KSR2: variants seen among roughly 807,000 people sequenced by gnomAD.
KSR2 encodes kinase suppressor of ras 2.
A neutral mutation model predicts 107.8 loss-of-function variants in KSR2; 25 were observed. The ratio of observed to expected loss-of-function variants is 0.23; its 90% CI spans 0.17 to 0.32. KSR2 has a LOEUF of 0.32. Ranked by LOEUF, KSR2 falls within the 10% of genes least tolerant of loss-of-function variation. The probability of loss-of-function intolerance (pLI) is 1.00; values close to 1 mark genes in which losing one functional copy is unlikely to be tolerated. For synonymous variants in KSR2, 480 were observed against 507.0 expected, an observed-to-expected ratio of 0.95 and a Z score of 0.71; for missense variants, 887 against 1,268.9, an observed-to-expected ratio of 0.70 and a Z score of 4.57.
chr12:117,556,302 G>C (rs1018066161), intron 8 of KSR2, among the ~76,000 whole-genome samples: 6 of 152,186 alleles, frequency 3.9e-5, no homozygotes, highest in African/African-American at 1.4e-4. Flanking sequence ...ATGGGAATCA[G>C]CCTCTAGCAA....
intron 7 of KSR2, among the ~76,000 whole-genome samples, chr12:117,575,040 C>T (rs1238902079): frequency 1.3e-5 from 2 of 152,192 alleles, no homozygotes; most frequent in Admixed American, 6.5e-5. Context: ...TCCCTCACCA[C>T]TTGAATTGAA....
In KSR2 at chr12:117,493,844, C is replaced by T. The variant is rs556899943; in HGVS notation, c.2220-8153G>A. Among the ~76,000 whole-genome samples the T allele has an allele frequency of 3.3e-5, 5 of 152,176 alleles. No homozygotes were observed. The East Asian group carries it at 5.8e-4, about 18-fold the overall frequency. ...TTCTCGTGATAGGGAATAAGTCTCA[C>T]GAGATCTAATGGGTTTATCAGGGGT... On this transcript the variant is annotated intron_variant, in intron 14 of 19. Transcript: ENST00000339824.
chr12:117,543,512 G>A (rs988795366), intron 9 of KSR2, among the ~76,000 whole-genome samples: 1 of 152,166 alleles, frequency 6.6e-6, no homozygotes, highest in African/African-American at 2.4e-5. Context: ...TAAAGCTGTT[G>A]TAGATATTCT....
At position 117,793,781 on chromosome 12, in the gene KSR2, ACAC is replaced by A. The variant is rs556334095; in HGVS notation, c.473-32260_473-32258del. On this transcript the variant is annotated intron_variant, in intron 3 of 19. Transcript: ENST00000339824. ...CAACATGCACACATGCAACATGCAC[ACAC>A]CAACATGCACACATGCAACATGCAC... Among the ~76,000 whole-genome samples the A allele has an allele frequency of 7.7e-4, 108 of 140,758 alleles. 1 individual carries two copies. Among genetic ancestry groups the A allele is most frequent in the Non-Finnish European group, 6.0e-5 (4 of 66,184 alleles). The allele number at this position is 140,758 out of a possible 152,430, so 92.3% of individuals were successfully genotyped here.
intron 1 of KSR2, chr12:117,889,605 T>C (rs1894280738): frequency 6.6e-6 from 1 of 152,226 alleles, no homozygotes; most frequent in South Asian, 2.1e-4. Context: ...AAAACATTTG[T>C]ATCTTGCTTT....
chr12:117,785,145 T>C (rs972983637), intron 3 of KSR2, among the ~76,000 whole-genome samples: 3 of 152,184 alleles, frequency 2.0e-5, no homozygotes, highest in African/African-American at 7.2e-5. Context: ...CTGGGCATGA[T>C]GGCTCACGCC....
chr12:117,674,314 C>A, intron 4 of KSR2: 1 of 507,850 alleles, frequency 2.0e-6, no homozygotes. Flanking sequence ...GCTGGAATCG[C>A]AGACTCACTT....
rs113862987 is a variant in KSR2, at chr12:117,577,922, T to C, written c.1325+1197A>G. Among the ~76,000 whole-genome samples, 565 of 152,306 alleles carry C rather than the reference T, an allele frequency of 3.7e-3. 3 individuals are homozygous for C. Among genetic ancestry groups the C allele is most frequent in the African/African-American group, 0.012 (503 of 41,556 alleles). ...CTAGGGACAGAAATGTGAAGTGACT[T>C]GCCCAAGGTCAGGCAGCTGCCAAGT... On this transcript the variant is annotated intron_variant, in intron 7 of 19. Coordinates refer to ENST00000339824, the MANE Select transcript of KSR2 (RefSeq NM_173598.6).
chr12:117,730,107 T>C (rs867538363), intron 4 of KSR2, among the ~76,000 whole-genome samples: 10 of 152,058 alleles, frequency 6.6e-5, no homozygotes, highest in Non-Finnish European at 1.0e-4. Context: ...CCAAAGAAAA[T>C]ATGTCATTGA....
At chr12:117,740,502 T>G (rs531507666) in intron 4 of KSR2, among the ~76,000 whole-genome samples, 1 of 128,988 alleles carries the variant, frequency 7.8e-6, no homozygotes, top group African/African-American at 2.8e-5. Flanking sequence ...ATGTTATATA[T>G]TACATTTATA....
At chr12:117,661,160 C>A (rs67335214) in intron 5 of KSR2, among the ~76,000 whole-genome samples, 7,153 of 152,280 alleles carry the variant, frequency 0.047, 550 homozygotes, top group African/African-American at 0.16. Context: ...GACCCCTCCT[C>A]TTCAAAGAGG....
At chr12:117,881,029 A>C (rs1894011828) in intron 1 of KSR2, among the ~76,000 whole-genome samples, 1 of 151,554 alleles carries the variant, frequency 6.6e-6, no homozygotes, top group Non-Finnish European at 1.5e-5. Context: ...ATTTTGGAGC[A>C]TTCTAATTAG....
At chr12:117,545,051 T>C (rs1057278035) in intron 9 of KSR2, among the ~76,000 whole-genome samples, 1 of 152,214 alleles carries the variant, frequency 6.6e-6, no homozygotes, top group African/African-American at 2.4e-5. Flanking sequence ...TTGGATTTTG[T>C]CAAACAAGTT....
intron 14 of KSR2, among the ~76,000 whole-genome samples, chr12:117,500,349 G>A (rs1275949466): frequency 6.6e-6 from 1 of 152,106 alleles, no homozygotes; most frequent in African/African-American, 2.4e-5. Flanking sequence ...GAGCTATGCT[G>A]CCTTCTCAGA....
chr12:117,480,504 T>A (rs915623367), intron 16 of KSR2, among the ~76,000 whole-genome samples: 1 of 152,164 alleles, frequency 6.6e-6, no homozygotes, highest in African/African-American at 2.4e-5. Context: ...ATACCTTTTC[T>A]TGACGACGGC....
chr12:117,950,079 T>G (rs1308208426), intron 1 of KSR2, among the ~76,000 whole-genome samples: 1 of 151,938 alleles, frequency 6.6e-6, no homozygotes, highest in Non-Finnish European at 1.5e-5. Flanking sequence ...GCTCAAGCAA[T>G]TCTCTTGCCT....
At chr12:117,800,386 C>G (rs553702037) in intron 3 of KSR2, among the ~76,000 whole-genome samples, 11 of 152,024 alleles carry the variant, frequency 7.2e-5, no homozygotes, top group East Asian at 3.9e-4. Context: ...TTCTGCCCCC[C>G]CCAAAGCCTA....
intron 3 of KSR2, among the ~76,000 whole-genome samples, chr12:117,798,904 T>G (rs1659140169): frequency 6.6e-6 from 1 of 152,096 alleles, no homozygotes; most frequent in South Asian, 2.1e-4. Context: ...TATTCAGCCT[T>G]AAAAAGGAAT....
chr12:117,519,949 C>T (rs1874639397), intron 14 of KSR2, among the ~76,000 whole-genome samples: 1 of 152,160 alleles, frequency 6.6e-6, no homozygotes, highest in African/African-American at 2.4e-5. Context: ...AATCCCCTGG[C>T]ACTTACTAAA....
Sources: allele counts gnomAD v4.1 joint callset (sites outside exome capture counted in the v4.1 genomes callset), GRCh38; gene constraint gnomAD v4.1.1; transcripts MANE v1.5; gene names NCBI Gene and HGNC (gene_info 2026-07-23, HGNC 2026-07-21).